RPS6KC1: variants seen among roughly 807,000 people sequenced by gnomAD.
The protein encoded by RPS6KC1 is inactive ribosomal protein S6 kinase delta-1.
A neutral mutation model predicts 103.8 loss-of-function variants in RPS6KC1; 54 were observed. The observed-to-expected ratio is 0.52, with a 90% CI of 0.42 to 0.65. The LOEUF (loss-of-function observed/expected upper bound fraction) is 0.65, where lower values mean the gene tolerates loss of function less well. RPS6KC1 is among the 30% of genes least tolerant of loss of function. RPS6KC1 has a pLI of 0.00. For synonymous variants in RPS6KC1, 439 were observed against 438.7 expected, an observed-to-expected ratio of 1.00 and a Z score of -0.01; for missense variants, 1,151 against 1,253.8, an observed-to-expected ratio of 0.92 and a Z score of 1.24.
chr1:213,485,868 G>A, the RPS6KC1 span, among the ~76,000 whole-genome samples: 122 of 152,306 alleles, frequency 8.0e-4, no homozygotes, highest in African/African-American at 2.8e-3. Flanking sequence ...AATACATGAA[G>A]CAGTGCAGGA....
At chr1:213,733,496 C>A in the RPS6KC1 span, among the ~76,000 whole-genome samples, 1 of 150,094 alleles carries the variant, frequency 6.7e-6, no homozygotes, top group Non-Finnish European at 1.5e-5. Context: ...TTTGGCCTCC[C>A]AAAGTGATGG....
chr1:213,777,435 G>T, the RPS6KC1 span, among the ~76,000 whole-genome samples: 1 of 152,146 alleles, frequency 6.6e-6, no homozygotes, highest in Non-Finnish European at 1.5e-5. Flanking sequence ...GCTGGTCAAT[G>T]GAGCAGTCAG....
At chr1:213,552,804 C>T in the RPS6KC1 span, among the ~76,000 whole-genome samples, 3 of 152,056 alleles carry the variant, frequency 2.0e-5, no homozygotes, top group Admixed American at 6.6e-5. Context: ...GATCACTACT[C>T]GGAGGAAAGC....
chr1:213,607,101 A>G, the RPS6KC1 span, among the ~76,000 whole-genome samples: 2 of 152,306 alleles, frequency 1.3e-5, no homozygotes, highest in African/African-American at 2.4e-5. Context: ...GTGCTCAGCA[A>G]TGTTTTCAGG....
chr1:213,298,688 C>T, the RPS6KC1 span, among the ~76,000 whole-genome samples: 1 of 151,968 alleles, frequency 6.6e-6, no homozygotes, highest in African/African-American at 2.4e-5. Flanking sequence ...TTTCAGCAAT[C>T]ATCTTTTTAA....
chr1:213,713,368 C>T, the RPS6KC1 span, among the ~76,000 whole-genome samples: 4 of 152,126 alleles, frequency 2.6e-5, no homozygotes, highest in African/African-American at 9.7e-5. Context: ...TTTGTGATCT[C>T]GCTTCACAGA....
At chr1:213,656,961 A>C in the RPS6KC1 span, among the ~76,000 whole-genome samples, 3 of 152,220 alleles carry the variant, frequency 2.0e-5, no homozygotes, top group Non-Finnish European at 2.9e-5. Flanking sequence ...CACTGTCACT[A>C]TCCCATATCA....
the RPS6KC1 span, chr1:213,794,669 G>A: frequency 6.6e-6 from 1 of 152,210 alleles, no homozygotes; most frequent in Admixed American, 6.5e-5. Context: ...CAAAGGTGTA[G>A]AGGCTCACCT....
At chr1:213,240,369 T>G (rs1462530060) in intron 10 of RPS6KC1, among the ~76,000 whole-genome samples, 1 of 152,152 alleles carries the variant, frequency 6.6e-6, no homozygotes, top group African/African-American at 2.4e-5. Flanking sequence ...AATCAGATGT[T>G]TCTAAGACTA....
the RPS6KC1 span, among the ~76,000 whole-genome samples, chr1:213,333,558 C>A: frequency 1.4e-4 from 22 of 152,180 alleles, no homozygotes; most frequent in South Asian, 1.0e-3. Context: ...TATGGTGTAG[C>A]CAGGGGACTG....
At chr1:213,098,840 C>A (rs973990424) in intron 3 of RPS6KC1, among the ~76,000 whole-genome samples, 1 of 152,062 alleles carries the variant, frequency 6.6e-6, no homozygotes, top group Non-Finnish European at 1.5e-5. Context: ...CACAAATCTT[C>A]AATTTGTAAA....
the RPS6KC1 span, among the ~76,000 whole-genome samples, chr1:213,338,347 C>T: frequency 3.9e-5 from 6 of 152,200 alleles, no homozygotes; most frequent in African/African-American, 1.4e-4. Flanking sequence ...CCACTGATCT[C>T]TTTTTCCTGG....
the RPS6KC1 span, among the ~76,000 whole-genome samples, chr1:213,409,757 T>G: frequency 6.6e-6 from 1 of 152,250 alleles, no homozygotes; most frequent in Non-Finnish European, 1.5e-5. Flanking sequence ...TCTGTCATGT[T>G]CCAGGAACTG....
the RPS6KC1 span, among the ~76,000 whole-genome samples, chr1:213,682,366 A>G: frequency 6.6e-6 from 1 of 152,166 alleles, no homozygotes; most frequent in African/African-American, 2.4e-5. Flanking sequence ...CATTCAACCA[A>G]CATTCATGGA....
At chr1:213,361,346 C>T in the RPS6KC1 span, among the ~76,000 whole-genome samples, 1 of 152,216 alleles carries the variant, frequency 6.6e-6, no homozygotes, top group Admixed American at 6.5e-5. Context: ...GGGCGTGGGA[C>T]CCTCTGAACC....
the RPS6KC1 span, among the ~76,000 whole-genome samples, chr1:213,579,649 A>G: frequency 2.0e-5 from 3 of 152,070 alleles, no homozygotes; most frequent in African/African-American, 7.2e-5. Context: ...ATATTAAAGC[A>G]CAGTTTACTC....
chr1:213,771,890 A>G, the RPS6KC1 span, among the ~76,000 whole-genome samples: 2 of 152,200 alleles, frequency 1.3e-5, no homozygotes, highest in African/African-American at 4.8e-5. Context: ...TTAAGAGGGC[A>G]GCATGAACGA....
At chr1:213,524,596 C>T in the RPS6KC1 span, among the ~76,000 whole-genome samples, 1 of 152,178 alleles carries the variant, frequency 6.6e-6, no homozygotes, top group Non-Finnish European at 1.5e-5. Context: ...GCTTCAGAGT[C>T]TCAAAAACCA....
At chr1:213,269,346 T>C (rs918351846) in intron 14 of RPS6KC1, among the ~76,000 whole-genome samples, 7 of 152,142 alleles carry the variant, frequency 4.6e-5, no homozygotes, top group African/African-American at 1.7e-4. Flanking sequence ...GACAATTTAG[T>C]AATAGTAAGT....
Sources: gnomAD v4.1 joint callset for allele counts (sites outside exome capture counted in the v4.1 genomes callset) on GRCh38, gnomAD v4.1.1 for gene constraint, MANE v1.5 for transcripts, NCBI Gene and HGNC (gene_info 2026-07-23, HGNC 2026-07-21) for gene names.